ATN1: variants seen among roughly 807,000 people sequenced by gnomAD.
ATN1 encodes the protein atrophin-1.
Under a neutral mutation model 85.8 loss-of-function variants are expected in ATN1, and 19 were observed. The ratio of observed to expected loss-of-function variants is 0.22; its 90% CI spans 0.15 to 0.32. The LOEUF is 0.32. Ranked by LOEUF, ATN1 falls within the 10% of genes least tolerant of loss-of-function variation. The pLI is 1.00. For synonymous variants in ATN1, 674 were observed against 657.0 expected (o/e 1.03, Z -0.39); for missense variants, 1,453 against 1,564.5 (o/e 0.93, Z 1.20).
At chr12:6,938,152 G>T (rs868987254) in intron 6 of ATN1, 85 bp downstream of exon 6, 11 of 1,452,180 alleles carry the variant, frequency 7.6e-6, no homozygotes, top group Non-Finnish European at 9.9e-6. Context: ...GCTACGCTGC[G>T]GGGCTGTGGC....
Position 6,941,274 on chromosome 12 carries a change from A to T in ATN1, c.3359-100A>T. The T allele has an allele frequency of 7.0e-7, 1 of 1,424,384 alleles. No individual in the cohort carries two copies. Among genetic ancestry groups the T allele is most frequent in the Non-Finnish European group, 9.5e-7 (1 of 1,053,026 alleles). The allele number at this position is 1,424,384 out of a possible 1,614,324, so 88.2% of individuals were successfully genotyped here. A position where few individuals can be genotyped will look rare whatever the true frequency, so the allele number is the denominator to read the frequency against. ...AACTGGGTGTGTTACCTCACTTTTT[A>T]GTTCATTACCTTTGTATGTAAAGGA... On this transcript the variant is annotated intron_variant, in intron 8 of 9. Coordinates refer to ENST00000396684, the MANE Select transcript of ATN1 (RefSeq NM_001940.4). This position sits in a 1 kb window ranked among gnomAD's most constrained non-coding sequence, Gnocchi z 5.9.
At position 6,938,767 on chromosome 12, in the gene ATN1, G is replaced by A. The variant is rs1197306327; in HGVS notation, c.2804G>A (p.Arg935Gln). 1.9e-6 allele frequency: 3 copies of A among 1,614,030 alleles called. No homozygotes were observed. The highest frequency in any genetic ancestry group is 2.5e-6 in the Non-Finnish European group (3 of 1,180,030). The change falls in exon 7 of 10, where the codon CGG becomes CAG. Residue 935 changes from arginine (R) to glutamine (Q), a missense_variant. This residue lies in a region of ATN1 where 208 missense variants were observed against 263.4 expected (regional missense o/e 0.79). Transcript: ENST00000396684. ...GATCCAGCTGCCCGGGAGAGGGAAC[G>A]GGAAGCCCGTGAACGAGACCTCCGT... ...SSDPAARERE[R>Q]EARERDLRDR...
chr12:6,941,092 G>T lies in ATN1; in HGVS notation c.3358+69G>T. ...CAGAAAGGAGGTATTTGGGTGGGGG[G>T]ATGGGCCTAGTTGGGCTTGGGGAGG... On this transcript the variant is annotated intron_variant, in intron 8 of 9. Transcript: ENST00000396684. This position sits in a 1 kb window ranked among gnomAD's most constrained non-coding sequence, Gnocchi z 5.9. The T allele has an allele frequency of 1.9e-6, 3 of 1,550,070 alleles. No homozygotes were observed. Among genetic ancestry groups the T allele is most frequent in the Non-Finnish European group, 2.6e-6 (3 of 1,134,376 alleles).
chr12:6,936,880 C>A lies in ATN1; in HGVS notation c.1613C>A (p.Ser538Tyr). The A allele has an allele frequency of 6.2e-7, 1 of 1,614,036 alleles. No homozygotes were observed. The highest frequency in any genetic ancestry group is 1.1e-5 in the South Asian group (1 of 91,076). ...HPYAMSPSLG[S>Y]LRPYPPGPAH... ...TACGCCATGTCTCCCTCCCTGGGGTCTCTGAGGCCCTACCCACCAGGGCCA... is the reference window on the plus strand; with the variant it reads ...TACGCCATGTCTCCCTCCCTGGGGTATCTGAGGCCCTACCCACCAGGGCCA... The change falls in exon 5 of 10, where the codon TCT (serine) becomes TAT (tyrosine). Residue 538 changes from serine to tyrosine, a missense_variant. Ser to Tyr is a moderately radical substitution (Grantham distance 144, BLOSUM62 -2). Around this residue, in one of 6 missense-constraint regions of ATN1, gnomAD observed 990 missense variants for 914.8 expected, o/e 1.08. Transcript: ENST00000396684.
intron 7 of ATN1, among the ~76,000 whole-genome samples, chr12:6,940,623 A>G (rs781783835): frequency 1.3e-5 from 2 of 151,628 alleles, no homozygotes; most frequent in South Asian, 4.2e-4. Context: ...CACGCAGTCT[A>G]CCTCTCTCTG....
chr12:6,926,810 C>T (rs2138196931), upstream of ATN1, among the ~76,000 whole-genome samples: 1 of 152,210 alleles, frequency 6.6e-6, no homozygotes, highest in East Asian at 1.9e-4. Context: ...TTTCCTCTTC[C>T]ATACTGCCGC....
rs782802812 is a variant in ATN1 at position 6,934,721 on chromosome 12, A to G, written c.279+143A>G. 3.8e-4 allele frequency: 244 copies of G among 649,106 alleles called. No homozygotes were observed. Among genetic ancestry groups the G allele is most frequent in the Non-Finnish European group, 5.5e-4 (205 of 373,928 alleles). 40.2% of individuals were successfully genotyped at this position (649,106 alleles called of 1,614,324 possible). ...AGTGCTTATGAGAGCAGTTCTGTCT[A>G]TAATATGCCAGAGAGATTCTTAGAG... is the stretch of plus-strand genomic sequence containing the variant. On this transcript the variant is annotated intron_variant, in intron 4 of 9. Transcript: ENST00000396684. This position sits in a 1 kb window ranked among gnomAD's most constrained non-coding sequence, Gnocchi z 4.5.
In ATN1 at chr12:6,937,258, C is replaced by T; in HGVS notation, c.1991C>T (p.Ser664Phe). ...GGATACAAACCCGGGTCGCCTCCCT[C>T]CTTCCGAACGGGGACCCCACCGGGC... ...PPGYKPGSPPSFRTGTPPGYR... is the reference protein window; with the variant it reads ...PPGYKPGSPPFFRTGTPPGYR... The change falls in exon 5 of 10, where the codon TCC (serine) becomes TTC (phenylalanine). Residue 664 changes from serine to phenylalanine, a missense_variant. Ser to Phe is a radical substitution (Grantham distance 155, BLOSUM62 -2). Around this residue, in one of 6 missense-constraint regions of ATN1, gnomAD observed 990 missense variants for 914.8 expected, o/e 1.08. Coordinates refer to ENST00000396684, the MANE Select transcript of ATN1 (RefSeq NM_001940.4). The surrounding 1 kb of genome is among the most constrained non-coding windows in gnomAD (Gnocchi z 6.0). 6.2e-7 allele frequency: 1 copy of T among 1,611,254 alleles called. No individual in the cohort carries two copies. The highest frequency in any genetic ancestry group is 1.1e-5 in the South Asian group (1 of 90,974).
rs781942105 is a variant in ATN1, at chr12:6,937,989, A to T, written c.2439A>T (p.Glu813Asp). ...VRREAEQRAR[E>D]EKERERERER... ...GCGAGGCCGAGCAGCGCGCGCGCGAAGAAAAGGAGCGCGAGCGCGAGCGGG... is the reference window on the plus strand; with the variant it reads ...GCGAGGCCGAGCAGCGCGCGCGCGATGAAAAGGAGCGCGAGCGCGAGCGGG... The change falls in exon 6 of 10, where the codon GAA (glutamate) becomes GAT (aspartate). Residue 813 changes from glutamate (E) to aspartate (D), a missense_variant. Physicochemically the swap from Glu to Asp is conservative, Grantham distance 45 (BLOSUM62 2). Coordinates refer to ENST00000396684, the MANE Select transcript of ATN1 (RefSeq NM_001940.4). This position sits in a 1 kb window ranked among gnomAD's most constrained non-coding sequence, Gnocchi z 6.0. 1 of 1,549,682 alleles carries T rather than the reference A, an allele frequency of 6.5e-7. No homozygotes were observed. Among genetic ancestry groups the T allele is most frequent in the Non-Finnish European group, 8.7e-7 (1 of 1,146,720 alleles).
Position 6,940,983 on chromosome 12 carries a change from C to T in ATN1, c.3318C>T (p.His1106=), listed in dbSNP as rs370442635. Reference sequence around the variant, plus strand: ...CTCTCCCTAACCCCCTGCTTCCTCACCCTCTGCACGAGAACGAAGTTCTTC... The same window carrying T: ...CTCTCCCTAACCCCCTGCTTCCTCATCCTCTGCACGAGAACGAAGTTCTTC... ...AGTLPNPLLP[H]PLHENEVLRH... Residue 1106 remains histidine, a synonymous_variant, in exon 8 of 10, where the codon CAC becomes CAT. Transcript: ENST00000396684. 3 of 1,614,232 alleles carry T rather than the reference C, an allele frequency of 1.9e-6. No individual in the cohort carries two copies. Among genetic ancestry groups the T allele is most frequent in the Non-Finnish European group, 8.5e-7 (1 of 1,180,044 alleles).
chr12:6,931,512 G>A (rs1399635352), intron 1 of ATN1, among the ~76,000 whole-genome samples: 10 of 150,250 alleles, frequency 6.7e-5, no homozygotes, highest in South Asian at 2.1e-4. Context: ...TCAGGAGTTC[G>A]AGACCAGCCT....
chr12:6,939,501 T>A (rs990818621), intron 7 of ATN1, among the ~76,000 whole-genome samples: 1 of 152,138 alleles, frequency 6.6e-6, no homozygotes, highest in African/African-American at 2.4e-5. Context: ...CACAAACCTG[T>A]CTTCTTATTT....
Position 6,937,792 on chromosome 12 carries a change from C to T in ATN1, c.2295-53C>T. 1.3e-6 allele frequency: 2 copies of T among 1,491,600 alleles called. No homozygotes were observed. Among genetic ancestry groups the T allele is most frequent in the Non-Finnish European group, 8.9e-7 (1 of 1,120,366 alleles). 92.4% of individuals were successfully genotyped at this position (1,491,600 alleles called of 1,614,324 possible). A position where few individuals can be genotyped will look rare whatever the true frequency, so the allele number is the denominator to read the frequency against. ...CTCGCCGGGGCCGCGGCGCTGCGGG[C>T]TCCATCGGGCAGCTCGCACCGCCTG... On this transcript the variant is annotated intron_variant, in intron 5 of 9. Coordinates refer to ENST00000396684, the MANE Select transcript of ATN1 (RefSeq NM_001940.4). This position sits in a 1 kb window ranked among gnomAD's most constrained non-coding sequence, Gnocchi z 6.0.
In ATN1 at chr12:6,934,785, G is replaced by T. The variant is rs1945510273; in HGVS notation, c.279+207G>T. Among the ~76,000 whole-genome samples the T allele has an allele frequency of 6.6e-6, 1 of 152,196 alleles. No individual in the cohort carries two copies. On this transcript the variant is annotated intron_variant, in intron 4 of 9. Coordinates refer to ENST00000396684, the MANE Select transcript of ATN1 (RefSeq NM_001940.4). The surrounding 1 kb of genome is among the most constrained non-coding windows in gnomAD (Gnocchi z 4.5). ...CCAGATGACCAGGCAGGGCCAAAGG[G>T]GACCAGAAGAGTTGGGGGATTCTAG...
chr12:6,933,062 A>G (rs1342227406), intron 1 of ATN1, among the ~76,000 whole-genome samples: 4 of 152,192 alleles, frequency 2.6e-5, no homozygotes, highest in Non-Finnish European at 4.4e-5. Context: ...GCTAGTCACA[A>G]TCACAATCTT....
intron 6 of ATN1, among the ~76,000 whole-genome samples, 153 bp downstream of exon 6, chr12:6,938,220 A>G (rs1375215413): frequency 6.6e-6 from 1 of 152,178 alleles, no homozygotes; most frequent in Non-Finnish European, 1.5e-5. Flanking sequence ...ACTGCAGCCC[A>G]GGAAATGGAG....
At position 6,937,966 on chromosome 12, in the gene ATN1, G is replaced by C; in HGVS notation, c.2416G>C (p.Glu806Gln). 6.4e-7 allele frequency: 1 copy of C among 1,564,228 alleles called. No individual in the cohort carries two copies. The highest frequency in any genetic ancestry group is 8.7e-7 in the Non-Finnish European group (1 of 1,155,460). ...RADLVEKVRR[E>Q]AEQRAREEKE... ...CGACCTGGTGGAGAAGGTGCGGCGC[G>C]AGGCCGAGCAGCGCGCGCGCGAAGA... Residue 806 changes from glutamate to glutamine, a missense_variant, in exon 6 of 10, where the codon GAG becomes CAG. Transcript: ENST00000396684. The surrounding 1 kb of genome is among the most constrained non-coding windows in gnomAD (Gnocchi z 6.0).
chr12:6,941,799 C>A lies in ATN1; in HGVS notation c.*19C>A. ...ACTGTAGAACCTGCGATCAAGAGAGCACCATGGCTCCTACATTGGACCTTG... is the reference window on the plus strand; with the variant it reads ...ACTGTAGAACCTGCGATCAAGAGAGAACCATGGCTCCTACATTGGACCTTG... On this transcript the variant is annotated 3_prime_UTR_variant, in exon 10 of 10. Transcript: ENST00000396684. The surrounding 1 kb of genome is among the most constrained non-coding windows in gnomAD (Gnocchi z 5.9). 6.2e-7 allele frequency: 1 copy of A among 1,613,568 alleles called. No individual in the cohort carries two copies. The highest frequency in any genetic ancestry group is 8.5e-7 in the Non-Finnish European group (1 of 1,179,498).
rs782112849 is a variant in ATN1, at chr12:6,938,799, C to T, written c.2836C>T (p.Leu946Phe). Residue 946 changes from leucine to phenylalanine, a missense_variant, in exon 7 of 10, where the codon CTC becomes TTC. This residue lies in a region of ATN1 where 208 missense variants were observed against 263.4 expected (regional missense o/e 0.79). Coordinates refer to ENST00000396684, the MANE Select transcript of ATN1 (RefSeq NM_001940.4). ...CCGTGAACGAGACCTCCGTGACCGC[C>T]TCAAGCCTGGCTTTGAGGTGAAGCC... ...EARERDLRDR[L>F]KPGFEVKPSE... The T allele has an allele frequency of 6.2e-7, 1 of 1,614,176 alleles. No homozygotes were observed. Among genetic ancestry groups the T allele is most frequent in the Non-Finnish European group, 8.5e-7 (1 of 1,180,034 alleles).
Sources: gnomAD v4.1 joint callset for allele counts (sites outside exome capture counted in the v4.1 genomes callset) on GRCh38, gnomAD v4.1.1 for gene constraint, gnomAD v4.1.1 regional missense constraint, Gnocchi (gnomAD v3.1) non-coding constraint, MANE v1.5 for transcripts, NCBI Gene and HGNC (gene_info 2026-07-23, HGNC 2026-07-21) for gene names.